The following PTPRZ1 variants were observed in gnomAD, a reference collection of about 807,000 sequenced individuals.
PTPRZ1 encodes the protein protein tyrosine phosphatase receptor type Z1, also known as receptor-type tyrosine-protein phosphatase zeta.
In PTPRZ1, 82 loss-of-function variants were observed where a neutral mutation model predicts 214.1. That is an observed-to-expected ratio of 0.38 (90% CI 0.32 to 0.46). PTPRZ1 has a LOEUF of 0.46. PTPRZ1 is among the 20% of genes least tolerant of loss of function. PTPRZ1 has a pLI of 1.00. For synonymous variants in PTPRZ1, 945 were observed against 987.9 expected (o/e 0.96, Z 0.81); for missense variants, 2,603 against 2,748.7 (o/e 0.95, Z 1.19).
chr7:121,875,057 G>T (rs968522621), intron 1 of PTPRZ1, among the ~76,000 whole-genome samples: 1 of 143,306 alleles, frequency 7.0e-6, no homozygotes, highest in Non-Finnish European at 1.5e-5. Flanking sequence ...AAAAAAAAAA[G>T]ATAAAATTCA....
intron 27 of PTPRZ1, among the ~76,000 whole-genome samples, chr7:122,056,266 T>C (rs1228958585): frequency 1.3e-5 from 2 of 151,854 alleles, no homozygotes; most frequent in Non-Finnish European, 3.0e-5. Flanking sequence ...TCATGTTTAA[T>C]ATCTTGCTCA....
chr7:121,977,641 T>C (rs1211500223), intron 6 of PTPRZ1, among the ~76,000 whole-genome samples: 1 of 152,036 alleles, frequency 6.6e-6, no homozygotes, highest in Non-Finnish European at 1.5e-5. Context: ...GTCAATTACA[T>C]GTGAGGATCT....
intron 1 of PTPRZ1, among the ~76,000 whole-genome samples, chr7:121,918,068 C>T (rs1025565735): frequency 6.6e-6 from 1 of 151,550 alleles, no homozygotes; most frequent in African/African-American, 2.4e-5. Flanking sequence ...AAAAGGAATT[C>T]ATGCCAAAAA....
At chr7:121,955,980 CT>C (rs1438730544) in intron 2 of PTPRZ1, among the ~76,000 whole-genome samples, 1 of 152,118 alleles carries the variant, frequency 6.6e-6, no homozygotes, top group African/African-American at 2.4e-5. Context: ...CTTTGGGGTT[CT>C]GACGGTTTGA....
At position 122,012,773 on chromosome 7, in the gene PTPRZ1, G is replaced by GT. The variant is rs1352754516; in HGVS notation, c.3732dup (p.Asp1245Ter). On this transcript the variant is annotated frameshift_variant, in exon 12 of 30. Transcript: ENST00000393386. LOFTEE classifies it high-confidence loss of function. ...CATGCTGCACTCTACATCTGTACCA[G>GT]TTTTTGATGTGTCGCCTACTTCTCA... The GT allele has an allele frequency of 6.2e-7, 1 of 1,611,624 alleles. No homozygotes were observed. Among genetic ancestry groups the GT allele is most frequent in the Non-Finnish European group, 8.5e-7 (1 of 1,177,956 alleles).
intron 27 of PTPRZ1, among the ~76,000 whole-genome samples, chr7:122,057,645 C>CTTTTTTT: frequency 7.8e-6 from 1 of 128,176 alleles, no homozygotes; most frequent in Non-Finnish European, 1.7e-5. Context: ...CTTTGTGATT[C>CTTTTTTT]TTTTTTTTTT....
chr7:121,878,512 A>T (rs1023285353), intron 1 of PTPRZ1, among the ~76,000 whole-genome samples: 4 of 152,200 alleles, frequency 2.6e-5, no homozygotes, highest in Admixed American at 2.0e-4. Context: ...TAGAAACATG[A>T]TGGGGCCTTT....
At chr7:121,963,662 A>G (rs1043827489) in intron 2 of PTPRZ1, among the ~76,000 whole-genome samples, 7 of 152,190 alleles carry the variant, frequency 4.6e-5, no homozygotes, top group African/African-American at 1.7e-4. Context: ...GGGGACAGGT[A>G]AAATCAAAAT....
At position 122,012,596 on chromosome 7, in the gene PTPRZ1, C is replaced by T; in HGVS notation, c.3550C>T (p.Pro1184Ser). 6.2e-7 allele frequency: 1 copy of T among 1,613,368 alleles called. No homozygotes were observed. The highest frequency in any genetic ancestry group is 1.1e-5 in the South Asian group (1 of 91,074). ...ASFSTEVLLQ[P>S]SFQASDVDTL... ...TTTTAGTACTGAAGTATTGCTACAA[C>T]CTTCCTTTCAGGCTTCTGATGTTGA... The change falls in exon 12 of 30, where the codon CCT becomes TCT. Residue 1184 changes from proline (P) to serine (S), a missense_variant. Coordinates refer to ENST00000393386, the MANE Select transcript of PTPRZ1 (RefSeq NM_002851.3).
intron 2 of PTPRZ1, among the ~76,000 whole-genome samples, chr7:121,928,951 C>T (rs1795845173): frequency 1.3e-5 from 2 of 152,128 alleles, no homozygotes; most frequent in Admixed American, 6.6e-5. Context: ...GTTGGGTACT[C>T]ATTAGCAGTA....
intron 14 of PTPRZ1, among the ~76,000 whole-genome samples, chr7:122,029,548 A>G (rs1799312005): frequency 6.6e-6 from 1 of 151,992 alleles, no homozygotes; most frequent in Non-Finnish European, 1.5e-5. Context: ...AAGTAGGGAT[A>G]CAAAAGGAGA....
chr7:121,951,998 G>A (rs1050097119), intron 2 of PTPRZ1, among the ~76,000 whole-genome samples: 2 of 147,088 alleles, frequency 1.4e-5, no homozygotes, highest in Admixed American at 7.1e-5. Context: ...TCGCTCTGTC[G>A]CCCAGGCTGG....
intron 1 of PTPRZ1, among the ~76,000 whole-genome samples, chr7:121,896,958 T>C (rs1039654922): frequency 1.3e-5 from 2 of 152,172 alleles, no homozygotes; most frequent in African/African-American, 2.4e-5. Flanking sequence ...TTTCCCTCAA[T>C]TGGCAATTTG....
intron 2 of PTPRZ1, among the ~76,000 whole-genome samples, chr7:121,929,849 A>C (rs1434252096): frequency 6.6e-6 from 1 of 151,294 alleles, no homozygotes; most frequent in Non-Finnish European, 1.5e-5. Context: ...TAAATAAATA[A>C]ATAAATAAAT....
intron 7 of PTPRZ1, 32 bp downstream of exon 7, chr7:121,983,854 T>C (rs1203710646): frequency 1.2e-6 from 2 of 1,600,770 alleles, no homozygotes; most frequent in Non-Finnish European, 1.7e-6. Flanking sequence ...AATCAAGTAA[T>C]TCAAAGCCAT....
chr7:121,999,158 G>A (rs559490822), intron 10 of PTPRZ1, among the ~76,000 whole-genome samples: 11 of 152,066 alleles, frequency 7.2e-5, no homozygotes, highest in Non-Finnish European at 1.5e-4. Context: ...TGATATTAAC[G>A]ACTAATGAAT....
intron 1 of PTPRZ1, among the ~76,000 whole-genome samples, chr7:121,889,758 C>CA (rs974244846): frequency 7.0e-4 from 106 of 150,642 alleles, no homozygotes; most frequent in Admixed American, 1.8e-3. Context: ...CATTCCAAAA[C>CA]AAAAAAAAAT....
At chr7:122,051,823 G>GTTTTT (rs778620143) in intron 24 of PTPRZ1, 43 bp from the exon 25 acceptor site, 1 of 1,551,096 alleles carries the variant, frequency 6.4e-7, no homozygotes. Context: ...GTTTTGTTTT[G>GTTTTT]TTTTGTTTTG....
At chr7:121,998,146 T>G (rs1370204750) in intron 10 of PTPRZ1, 140 bp downstream of exon 10, 1 of 950,094 alleles carries the variant, frequency 1.1e-6, no homozygotes. Flanking sequence ...TGCCGGGTAA[T>G]TTTTTGGGGC....
Sources: allele counts gnomAD v4.1 joint callset (sites outside exome capture counted in the v4.1 genomes callset), GRCh38; gene constraint gnomAD v4.1.1; transcripts MANE v1.5; gene names NCBI Gene and HGNC (gene_info 2026-07-23, HGNC 2026-07-21).